Variants in SPTB observed in about 807,000 individuals in gnomAD.
The protein encoded by SPTB is spectrin beta, erythrocytic, also known as spectrin beta chain, erythrocytic.
SPTB carries 45 observed loss-of-function variants against 256.2 expected under a neutral mutation model. That is an observed-to-expected ratio of 0.18 (90% CI 0.14 to 0.23). The LOEUF (loss-of-function observed/expected upper bound fraction) is 0.23, where lower values mean the gene tolerates loss of function less well. Ranked by LOEUF, SPTB falls within the 10% of genes least tolerant of loss-of-function variation. The pLI, the probability that SPTB is intolerant of heterozygous loss-of-function variation, is 1.00. For missense variants in SPTB, 2,715 were observed against 3,040.4 expected (o/e 0.89, Z 2.52); for synonymous variants, 1,231 against 1,243.1 (o/e 0.99, Z 0.21).
rs1427789873 is a variant in SPTB at position 64,852,323 on chromosome 14, T to C, written c.-52+27469A>G. ...AAGGATGGAAGAAACAGCCTGGAGA[T>C]CCTGGGAAACTGCTACCAGTTCAGA... On this transcript the variant is annotated intron_variant, in intron 1 of 35. Transcript: ENST00000644917. This position sits in a 1 kb window ranked among gnomAD's most constrained non-coding sequence, Gnocchi z 4.2. Among the ~76,000 whole-genome samples the C allele has an allele frequency of 6.6e-6, 1 of 151,952 alleles. No individual in the cohort carries two copies. Among genetic ancestry groups the C allele is most frequent in the Non-Finnish European group, 1.5e-5 (1 of 68,002 alleles).
chr14:64,791,661 G>C (rs2082675883), intron 15 of SPTB, 58 bp downstream of exon 15: 3 of 1,563,820 alleles, frequency 1.9e-6, no homozygotes, highest in Non-Finnish European at 2.6e-6. Context: ...CCGGCCCCCA[G>C]CAGTGTGTCA....
intron 1 of SPTB, among the ~76,000 whole-genome samples, chr14:64,859,208 C>T (rs906497850): frequency 4.6e-5 from 7 of 152,012 alleles, no homozygotes; most frequent in Admixed American, 1.3e-4. Context: ...GAGCCAAGAT[C>T]GCACCACTAC....
chr14:64,765,446 C>T (rs1287631598), intron 32 of SPTB, among the ~76,000 whole-genome samples: 1 of 152,130 alleles, frequency 6.6e-6, no homozygotes, highest in Non-Finnish European at 1.5e-5. Flanking sequence ...AAGGGGCCTG[C>T]TCCAGGTAAG....
At chr14:64,875,248 G>A (rs1882759263) in intron 1 of SPTB, among the ~76,000 whole-genome samples, 3 of 152,218 alleles carry the variant, frequency 2.0e-5, no homozygotes, top group Admixed American at 1.3e-4. Flanking sequence ...CATTAAGGAA[G>A]CATTTTCTGT....
intron 1 of SPTB, among the ~76,000 whole-genome samples, chr14:64,858,136 C>T (rs575622550): frequency 6.6e-6 from 1 of 152,232 alleles, no homozygotes; most frequent in African/African-American, 2.4e-5. Flanking sequence ...CAGACCGTAG[C>T]CAAAGCATGT....
At position 64,806,374 on chromosome 14, in the gene SPTB, T is replaced by C. The variant is rs1464611047; in HGVS notation, c.149-1284A>G. Among the ~76,000 whole-genome samples the C allele has an allele frequency of 6.6e-6, 1 of 152,070 alleles. No homozygotes were observed. The highest frequency in any genetic ancestry group is 1.9e-4 in the East Asian group (1 of 5,186). ...GTGGAGGATCCCTGGGGAGGGTACA[T>C]GGCAGTGGAGGGGGAGATCACAGCC... On this transcript the variant is annotated intron_variant, in intron 2 of 35. Coordinates refer to ENST00000644917, the MANE Select transcript of SPTB (RefSeq NM_001355436.2). The surrounding 1 kb of genome is among the most constrained non-coding windows in gnomAD (Gnocchi z 4.1).
At position 64,766,806 on chromosome 14, in the gene SPTB, G is replaced by GGAA. The variant is rs528966701; in HGVS notation, c.6270-8_6270-6dup. 1.1e-3 allele frequency: 1,709 copies of GGAA among 1,610,478 alleles called. 2 individuals carry two copies. The highest frequency in any genetic ancestry group is 1.3e-3 in the Non-Finnish European group (1,512 of 1,179,934). On this transcript the variant is annotated splice_polypyrimidine_tract_variant and splice_region_variant and intron_variant, in intron 31 of 35. Coordinates refer to ENST00000644917, the MANE Select transcript of SPTB (RefSeq NM_001355436.2). Reference sequence around the variant, plus strand: ...TCGCCTTCCTCCTCTTGAGGCCTAAGGAAGACACAGTCTCTCTTTAGAAAC... The same window carrying GGAA: ...TCGCCTTCCTCCTCTTGAGGCCTAAGGAAGAAGACACAGTCTCTCTTTAGAAAC...
At position 64,853,730 on chromosome 14, in the gene SPTB, C is replaced by A. The variant is rs2083822517; in HGVS notation, c.-52+26062G>T. ...TTATCTATAGGCAAGAGTGAAACAGCAAGAGAGAGGGAAGGATTGAAGATG... is the reference window on the plus strand; with the variant it reads ...TTATCTATAGGCAAGAGTGAAACAGAAAGAGAGAGGGAAGGATTGAAGATG... On this transcript the variant is annotated intron_variant, in intron 1 of 35. Coordinates refer to ENST00000644917, the MANE Select transcript of SPTB (RefSeq NM_001355436.2). This position sits in a 1 kb window ranked among gnomAD's most constrained non-coding sequence, Gnocchi z 4.3. 6.6e-6 allele frequency among the ~76,000 whole-genome samples: 1 copy of A among 152,082 alleles called. No homozygotes were observed.
chr14:64,862,716 A>G (rs1451906002), intron 1 of SPTB, among the ~76,000 whole-genome samples: 2 of 152,080 alleles, frequency 1.3e-5, no homozygotes, highest in African/African-American at 4.8e-5. Flanking sequence ...TCTACTAAAA[A>G]TACGAAAAAT....
chr14:64,767,462 TC>T, intron 30 of SPTB, 110 bp from the exon 31 acceptor site: 1 of 1,484,358 alleles, frequency 6.7e-7, no homozygotes, highest in Admixed American at 1.7e-5. Context: ...TGACACTTGT[TC>T]CTTCTAGAGT....
At chr14:64,797,568 C>T (rs1466328529) in intron 10 of SPTB, among the ~76,000 whole-genome samples, 161 bp downstream of exon 10, 3 of 150,284 alleles carry the variant, frequency 2.0e-5, no homozygotes, top group African/African-American at 7.4e-5. Flanking sequence ...GAGTCTGACC[C>T]CTCAGAACCA....
Position 64,748,933 on chromosome 14 carries a change from G to T in SPTB, c.*373C>A. 5.6e-6 allele frequency: 1 copy of T among 177,778 alleles called. No individual in the cohort carries two copies. Among genetic ancestry groups the T allele is most frequent in the Admixed American group, 7.6e-5 (1 of 13,238 alleles). The allele number at this position is 177,778 out of a possible 1,614,324, so 11.0% of individuals were successfully genotyped here. On this transcript the variant is annotated 3_prime_UTR_variant, in exon 36 of 36. Transcript: ENST00000644917. ...TGAAGAACCCCATCAGCCTTCTCCA[G>T]CTCTTTTTTTTTTTTTTTTTTGGTT... is the stretch of plus-strand genomic sequence containing the variant.
At chr14:64,876,796 C>T (rs942637331) in intron 1 of SPTB, among the ~76,000 whole-genome samples, 2 of 152,254 alleles carry the variant, frequency 1.3e-5, no homozygotes. Flanking sequence ...AAAACACATC[C>T]TCTCATAATC....
At chr14:64,836,793 G>C (rs1156600464) in intron 1 of SPTB, among the ~76,000 whole-genome samples, 1 of 152,222 alleles carries the variant, frequency 6.6e-6, no homozygotes, top group East Asian at 1.9e-4. Flanking sequence ...ATTAGTACAT[G>C]TTAATTGGAT....
chr14:64,763,464 C>T lies in SPTB; in HGVS notation c.6345+3262G>A, dbSNP rs369763830. Reference sequence around the variant, plus strand: ...TGGGTACCTGAGACCAGCCAGGTACCACAGCACTAAGCACCAGGCAAGAGG... The same window carrying T: ...TGGGTACCTGAGACCAGCCAGGTACTACAGCACTAAGCACCAGGCAAGAGG... On this transcript the variant is annotated intron_variant, in intron 32 of 35. Transcript: ENST00000644917. Among the ~76,000 whole-genome samples, 8 of 152,344 alleles carry T rather than the reference C, an allele frequency of 5.3e-5. No homozygotes were observed. The South Asian group carries it at 1.7e-3, about 32-fold the overall frequency.
chr14:64,753,453 C>A, intron 33 of SPTB, 84 bp downstream of exon 33: 2 of 1,602,066 alleles, frequency 1.2e-6, no homozygotes, highest in Non-Finnish European at 8.5e-7. Flanking sequence ...CCAGCACATG[C>A]CCATGTCACC....
At chr14:64,863,304 C>T (rs1421765016) in intron 1 of SPTB, among the ~76,000 whole-genome samples, 2 of 150,958 alleles carry the variant, frequency 1.3e-5, no homozygotes, top group Non-Finnish European at 3.0e-5. Context: ...AGCTGATGAG[C>T]GAAAAAAAAA....
At chr14:64,819,385 C>T (rs1056279781) in intron 2 of SPTB, among the ~76,000 whole-genome samples, 5 of 152,142 alleles carry the variant, frequency 3.3e-5, no homozygotes, top group African/African-American at 1.2e-4. Flanking sequence ...TCAGGTCTTC[C>T]AACCATAGGT....
chr14:64,857,556 C>T lies in SPTB; in HGVS notation c.-52+22236G>A, dbSNP rs532646272. 9.9e-5 allele frequency among the ~76,000 whole-genome samples: 11 copies of T among 111,348 alleles called. No homozygotes were observed. The East Asian group carries it at 1.1e-3, about 11-fold the overall frequency. 73.0% of individuals were successfully genotyped at this position (111,348 alleles called of 152,430 possible). A position where few individuals can be genotyped will look rare whatever the true frequency, so the allele number is the denominator to read the frequency against. On this transcript the variant is annotated intron_variant, in intron 1 of 35. Coordinates refer to ENST00000644917, the MANE Select transcript of SPTB (RefSeq NM_001355436.2). ...TCACACCACTGCACTCCAGCCTGGG[C>T]GACAGAGCAAGACACTGCCTCAAAA... is the stretch of plus-strand genomic sequence containing the variant.
Sources: gnomAD v4.1 joint callset for allele counts (sites outside exome capture counted in the v4.1 genomes callset) on GRCh38, gnomAD v4.1.1 for gene constraint, Gnocchi (gnomAD v3.1) non-coding constraint, MANE v1.5 for transcripts, NCBI Gene and HGNC (gene_info 2026-07-23, HGNC 2026-07-21) for gene names.